The following GPR141 variants were observed in gnomAD, a reference collection of about 807,000 sequenced individuals.
The protein encoded by GPR141 is G protein-coupled receptor 141, also known as probable G protein-coupled receptor 141.
A neutral mutation model predicts 6.8 loss-of-function variants in GPR141; 6 were observed. That is an observed-to-expected ratio of 0.88 (90% CI 0.48 to 1.74). The LOEUF is 1.74. Ranked by LOEUF, GPR141 falls within the 40% of genes most tolerant of loss-of-function variation. GPR141 has a pLI of 0.01. For synonymous variants in GPR141, 140 were observed against 142.3 expected, an observed-to-expected ratio of 0.98 and a Z score of 0.11; for missense variants, 372 against 372.9, an observed-to-expected ratio of 1.00 and a Z score of 0.02.
chr7:37,714,321 A>G (rs1046205620), intron 2 of GPR141, among the ~76,000 whole-genome samples: 3 of 152,186 alleles, frequency 2.0e-5, no homozygotes, highest in African/African-American at 7.2e-5. Context: ...CGAAGGTGTG[A>G]GAGTCTATAA....
At chr7:37,685,779 A>G (rs62461633) in intron 2 of GPR141, among the ~76,000 whole-genome samples, 196 bp downstream of exon 2, 2 of 143,182 alleles carry the variant, frequency 1.4e-5, no homozygotes, top group Non-Finnish European at 1.5e-5. Context: ...TTTTTTTTAA[A>G]TAAGAAAAAC....
intron 2 of GPR141, among the ~76,000 whole-genome samples, chr7:37,737,477 G>A (rs572318670): frequency 5.8e-4 from 88 of 152,270 alleles, no homozygotes; most frequent in African/African-American, 2.1e-3. Context: ...CTAATCCAAG[G>A]TTATACAACT....
At chr7:37,708,318 A>AAAAC (rs1810624652) in intron 2 of GPR141, among the ~76,000 whole-genome samples, 1 of 148,712 alleles carries the variant, frequency 6.7e-6, no homozygotes, top group Admixed American at 6.6e-5. Context: ...GGCAAAAAAA[A>AAAAC]AAAAAAAAAA....
intron 2 of GPR141, among the ~76,000 whole-genome samples, chr7:37,708,636 C>T (rs779621089): frequency 6.6e-6 from 1 of 152,102 alleles, no homozygotes; most frequent in South Asian, 2.1e-4. Context: ...AGAGGGAAAT[C>T]AGGGTGACAT....
chr7:37,731,695 G>T (rs1365107729), intron 2 of GPR141, among the ~76,000 whole-genome samples: 2 of 152,086 alleles, frequency 1.3e-5, no homozygotes, highest in East Asian at 1.9e-4. Context: ...CTCGTGATCC[G>T]CCCGCCTCGG....
In GPR141 at chr7:37,740,617, A is replaced by G. The variant is rs1339223098; in HGVS notation, c.224A>G (p.Tyr75Cys). ...CTGACAGTGCCATTTCGCTTGACCT[A>G]CCTCATCAAGAAGACTTGGATGTTT... ...FLLTVPFRLT[Y>C]LIKKTWMFGL... The change falls in exon 3 of 3, where the codon TAC becomes TGC. Residue 75 changes from tyrosine (Y) to cysteine (C), a missense_variant. Tyr to Cys is a radical substitution (Grantham distance 194, BLOSUM62 -2). Transcript: ENST00000334425. 1.2e-6 allele frequency: 2 copies of G among 1,614,032 alleles called. No homozygotes were observed. The highest frequency in any genetic ancestry group is 4.5e-5 in the East Asian group (2 of 44,876).
At chr7:37,698,103 G>A (rs554727046) in intron 2 of GPR141, among the ~76,000 whole-genome samples, 5 of 152,250 alleles carry the variant, frequency 3.3e-5, no homozygotes, top group East Asian at 3.9e-4. Context: ...TATAAAAACC[G>A]TGATGATTCT....
chr7:37,740,621 C>T lies in GPR141; in HGVS notation c.228C>T (p.Leu76=). ...LLTVPFRLTY[L]IKKTWMFGLP... Reference sequence around the variant, plus strand: ...CAGTGCCATTTCGCTTGACCTACCTCATCAAGAAGACTTGGATGTTTGGGC... The same window carrying T: ...CAGTGCCATTTCGCTTGACCTACCTTATCAAGAAGACTTGGATGTTTGGGC... The change falls in exon 3 of 3, where the codon CTC becomes CTT. Residue 76 remains leucine, a synonymous_variant. Transcript: ENST00000334425. 6.2e-7 allele frequency: 1 copy of T among 1,614,132 alleles called. No individual in the cohort carries two copies. Among genetic ancestry groups the T allele is most frequent in the South Asian group, 1.1e-5 (1 of 91,086 alleles).
intron 2 of GPR141, among the ~76,000 whole-genome samples, chr7:37,726,580 C>T (rs573331049): frequency 1.3e-5 from 2 of 152,162 alleles, no homozygotes; most frequent in East Asian, 3.9e-4. Context: ...CCCAGATTCC[C>T]CAATTGTAAT....
chr7:37,735,549 G>A (rs372641563), intron 2 of GPR141, among the ~76,000 whole-genome samples: 23 of 152,288 alleles, frequency 1.5e-4, no homozygotes, highest in African/African-American at 5.1e-4. Context: ...TACTAGAACT[G>A]CAAACAAGGC....
rs778807658 is a variant in GPR141, at chr7:37,741,226, A to G, written c.833A>G (p.Tyr278Cys). The G allele has an allele frequency of 1.1e-5, 18 of 1,612,840 alleles. No homozygotes were observed. The highest frequency in any genetic ancestry group is 1.4e-5 in the Non-Finnish European group (17 of 1,178,962). ...IFLSVTAISCYDLLLFVFGGS... is the reference protein window; with the variant it reads ...IFLSVTAISCCDLLLFVFGGS... ...TTGAGTGTAACAGCAATTAGCTGCT[A>G]TGATTTGCTTCTCTTTGTCTTTGGG... Residue 278 changes from tyrosine to cysteine, a missense_variant, in exon 3 of 3, where the codon TAT becomes TGT. Coordinates refer to ENST00000334425, the MANE Select transcript of GPR141 (RefSeq NM_001381946.1).
intron 2 of GPR141, among the ~76,000 whole-genome samples, chr7:37,724,958 A>T (rs1221877531): frequency 6.6e-6 from 1 of 152,066 alleles, no homozygotes; most frequent in East Asian, 1.9e-4. Flanking sequence ...AGAACCTGGA[A>T]TTTAGCCAGT....
At chr7:37,728,530 TC>T (rs1266595409) in intron 2 of GPR141, among the ~76,000 whole-genome samples, 2 of 152,146 alleles carry the variant, frequency 1.3e-5, no homozygotes, top group Non-Finnish European at 2.9e-5. Context: ...TGTAGGCTGG[TC>T]TCTGATGTTG....
At chr7:37,689,612 G>C (rs775433672) in intron 2 of GPR141, among the ~76,000 whole-genome samples, 5 of 151,884 alleles carry the variant, frequency 3.3e-5, no homozygotes, top group African/African-American at 1.2e-4. Context: ...TTCTTCTTGA[G>C]TCAGTCTTGG....
chr7:37,715,586 T>C (rs543256621), intron 2 of GPR141, among the ~76,000 whole-genome samples: 1 of 152,350 alleles, frequency 6.6e-6, no homozygotes, highest in South Asian at 2.1e-4. Context: ...ATATTACAGA[T>C]GAAGAAACAA....
chr7:37,719,927 A>G (rs886749227), intron 2 of GPR141, among the ~76,000 whole-genome samples: 1 of 152,192 alleles, frequency 6.6e-6, no homozygotes, highest in Non-Finnish European at 1.5e-5. Context: ...TGGGGGAGCC[A>G]GGGCAGCCTT....
intron 2 of GPR141, among the ~76,000 whole-genome samples, chr7:37,737,158 G>A (rs977336376): frequency 6.6e-6 from 1 of 152,160 alleles, no homozygotes; most frequent in Non-Finnish European, 1.5e-5. Flanking sequence ...AAGCTTGAGT[G>A]TGTCAAAAGT....
intron 2 of GPR141, among the ~76,000 whole-genome samples, chr7:37,738,155 AT>A (rs1004034584): frequency 6.6e-6 from 1 of 152,370 alleles, no homozygotes; most frequent in African/African-American, 2.4e-5. Context: ...AAAATTCAGT[AT>A]AATAATACAT....
chr7:37,722,281 T>C (rs1020938693), intron 2 of GPR141, among the ~76,000 whole-genome samples: 1 of 152,216 alleles, frequency 6.6e-6, no homozygotes, highest in Non-Finnish European at 1.5e-5. Context: ...TGAGATGTTA[T>C]ACGGTCGTAT....
Sources: allele counts gnomAD v4.1 joint callset (sites outside exome capture counted in the v4.1 genomes callset), GRCh38; gene constraint gnomAD v4.1.1; transcripts MANE v1.5; gene names NCBI Gene and HGNC (gene_info 2026-07-23, HGNC 2026-07-21).